C10orf90: variants seen among roughly 807,000 people sequenced by gnomAD.
C10orf90 encodes the protein (E2-independent) E3 ubiquitin-conjugating enzyme FATS.
A neutral mutation model predicts 62.5 loss-of-function variants in C10orf90; 56 were observed. The observed-to-expected ratio is 0.90, with a 90% confidence interval of 0.72 to 1.12. The LOEUF (loss-of-function observed/expected upper bound fraction) is 1.12. C10orf90 is among the 50% of genes most tolerant of loss of function. The probability of loss-of-function intolerance (pLI) is 0.00; values close to 1 mark genes in which losing one functional copy is unlikely to be tolerated. For missense variants in C10orf90, 970 were observed against 880.4 expected (o/e 1.10, Z -1.29); for synonymous variants, 386 against 340.4 (o/e 1.13, Z -1.47).
At chr10:126,620,433 C>T (rs889422628) in intron 2 of C10orf90, among the ~76,000 whole-genome samples, 5 of 152,114 alleles carry the variant, frequency 3.3e-5, no homozygotes, top group Non-Finnish European at 5.9e-5. Context: ...ATTACTCTGG[C>T]GTTTTTGGCC....
intron 2 of C10orf90, among the ~76,000 whole-genome samples, chr10:126,600,746 G>C (rs1193370892): frequency 6.6e-6 from 1 of 152,174 alleles, no homozygotes; most frequent in East Asian, 1.9e-4. Context: ...GTGTGTGCAT[G>C]TGTATGTGTG....
intron 1 of C10orf90, among the ~76,000 whole-genome samples, chr10:126,647,920 C>A (rs909279806): frequency 2.6e-5 from 4 of 152,178 alleles, no homozygotes; most frequent in Non-Finnish European, 5.9e-5. Context: ...CAGCTAGACC[C>A]AACACGCTAG....
chr10:126,607,173 G>C (rs1173944379), intron 2 of C10orf90, among the ~76,000 whole-genome samples: 2 of 152,132 alleles, frequency 1.3e-5, no homozygotes, highest in Admixed American at 1.3e-4. Flanking sequence ...CTTTAACACA[G>C]TATTACTTAT....
At chr10:126,458,895 C>G (rs1461961121) in intron 7 of C10orf90, 145 bp downstream of exon 7, 1 of 871,170 alleles carries the variant, frequency 1.1e-6, no homozygotes, top group East Asian at 2.7e-5. Flanking sequence ...ATTTATGATG[C>G]TGAGGGTCAG....
At chr10:126,641,941 A>T (rs1846067003) in intron 2 of C10orf90, among the ~76,000 whole-genome samples, 1 of 152,124 alleles carries the variant, frequency 6.6e-6, no homozygotes, top group Non-Finnish European at 1.5e-5. Flanking sequence ...GTGACTGAGG[A>T]GGTGAATAGC....
chr10:126,642,327 TC>T (rs1267669205), intron 2 of C10orf90, among the ~76,000 whole-genome samples: 4 of 152,014 alleles, frequency 2.6e-5, no homozygotes, highest in Non-Finnish European at 4.4e-5. Flanking sequence ...GGTCGGGAGA[TC>T]GAGACCATCC....
chr10:126,620,903 T>G (rs1845631937), intron 2 of C10orf90, among the ~76,000 whole-genome samples: 1 of 152,238 alleles, frequency 6.6e-6, no homozygotes, highest in African/African-American at 2.4e-5. Flanking sequence ...GATTTTTGTG[T>G]ATTTCTGCCT....
chr10:126,606,957 C>G (rs565975040), intron 2 of C10orf90, among the ~76,000 whole-genome samples: 1 of 152,188 alleles, frequency 6.6e-6, no homozygotes, highest in Admixed American at 6.5e-5. Flanking sequence ...GTAGGCATCT[C>G]TTAAAACTGT....
chr10:126,440,441 G>T (rs1564793179), intron 7 of C10orf90, among the ~76,000 whole-genome samples: 2 of 152,108 alleles, frequency 1.3e-5, no homozygotes, highest in African/African-American at 4.8e-5. Flanking sequence ...CCAGCTGATG[G>T]TCCTTCCCTA....
chr10:126,437,127 C>G (rs117446650), intron 7 of C10orf90, among the ~76,000 whole-genome samples: 4,552 of 152,266 alleles, frequency 0.03, 91 homozygotes, highest in Non-Finnish European at 0.048. Context: ...CTCCTCTTTA[C>G]AGGGGTTTTG....
At chr10:126,624,909 C>T (rs1362106793) in intron 2 of C10orf90, among the ~76,000 whole-genome samples, 1 of 152,188 alleles carries the variant, frequency 6.6e-6, no homozygotes, top group Non-Finnish European at 1.5e-5. Context: ...GGAAATGAAC[C>T]CAGCAGCCAA....
intron 2 of C10orf90, among the ~76,000 whole-genome samples, chr10:126,628,307 T>A (rs138449621): frequency 6.6e-6 from 1 of 152,334 alleles, no homozygotes; most frequent in East Asian, 1.9e-4. Context: ...ATTCATATAT[T>A]GTCAAAGCCT....
At position 126,548,976 on chromosome 10, in the gene C10orf90, A is replaced by G. The variant is rs1416007420; in HGVS notation, c.314-35037T>C. On this transcript the variant is annotated intron_variant, in intron 2 of 9. Transcript: ENST00000488181. ...ACTAGACACTCAAAGGCCAAAAAAT[A>G]ATCCTTGACCTAAATCTCACATCTT... Among the ~76,000 whole-genome samples, 3 of 152,204 alleles carry G rather than the reference A, an allele frequency of 2.0e-5. No homozygotes were observed. In the South Asian group the frequency reaches 6.2e-4, roughly 31 times the overall value.
intron 8 of C10orf90, among the ~76,000 whole-genome samples, chr10:126,426,588 G>A (rs772072203): frequency 4.6e-5 from 7 of 152,196 alleles, no homozygotes; most frequent in Non-Finnish European, 8.8e-5. Flanking sequence ...ATAAGTGTGT[G>A]TGTTTTTACC....
intron 7 of C10orf90, among the ~76,000 whole-genome samples, chr10:126,450,927 T>C (rs1022205487): frequency 3.9e-5 from 6 of 152,056 alleles, no homozygotes; most frequent in Admixed American, 6.6e-5. Context: ...GGAGAAAATA[T>C]ATGCAAACCA....
chr10:126,592,965 G>T (rs1331828315), intron 2 of C10orf90, among the ~76,000 whole-genome samples: 2 of 152,184 alleles, frequency 1.3e-5, no homozygotes, highest in East Asian at 3.8e-4. Context: ...CATTAGAAAT[G>T]CACGTCAAGA....
chr10:126,465,078 G>T, intron 4 of C10orf90, 92 bp from the exon 5 acceptor site: 1 of 1,356,722 alleles, frequency 7.4e-7, no homozygotes. Context: ...TCTCGGGACA[G>T]ACTTGGGGGG....
chr10:126,602,758 CTT>C (rs150624987), intron 2 of C10orf90, among the ~76,000 whole-genome samples: 81 of 130,600 alleles, frequency 6.2e-4, no homozygotes, highest in South Asian at 1.2e-3. Context: ...GGGTTTTGGG[CTT>C]TTTTTTTTTT....
rs1554917316 is a variant in C10orf90, at chr10:126,565,351, T to TATATAATA, written c.314-51420_314-51413dup. Among the ~76,000 whole-genome samples, 578 of 71,798 alleles carry TATATAATA rather than the reference T, an allele frequency of 8.1e-3. 7 individuals carry two copies. The highest frequency in any genetic ancestry group is 0.032 in the African/African-American group (564 of 17,896). The allele number at this position is 71,798 out of a possible 152,430, so 47.1% of individuals were successfully genotyped here. On this transcript the variant is annotated intron_variant, in intron 2 of 9. Transcript: ENST00000488181. ...TATTTATATTATATATAATATATAATATATAATATATATTATTTTATATAA... is the reference window on the plus strand; with the variant it reads ...TATTTATATTATATATAATATATAATATATAATAATATAATATATATTATTTTATATAA...
Sources: allele counts gnomAD v4.1 joint callset (sites outside exome capture counted in the v4.1 genomes callset), GRCh38; gene constraint gnomAD v4.1.1; transcripts MANE v1.5; gene names NCBI Gene and HGNC (gene_info 2026-07-23, HGNC 2026-07-21).